Variants in SPMIP8 observed in about 807,000 individuals in gnomAD.
SPMIP8 encodes testicular tissue protein Li 196.
the SPMIP8 span, chr16:57,985,928 G>A: frequency 1.2e-6 from 2 of 1,612,290 alleles, no homozygotes; most frequent in Non-Finnish European, 1.7e-6. Flanking sequence ...CCGAAGCTTC[G>A]GCTCCAGCTA....
the SPMIP8 span, chr16:57,986,872 G>C: frequency 6.6e-6 from 1 of 152,424 alleles, no homozygotes; most frequent in East Asian, 1.9e-4. Flanking sequence ...GATTACAGGC[G>C]TGAGCTACAG....
chr16:57,984,512 G>T, the SPMIP8 span: 1 of 1,510,030 alleles, frequency 6.6e-7, no homozygotes, highest in African/African-American at 1.4e-5. Flanking sequence ...TCACGACTTC[G>T]GGCGCCCCCT....
the SPMIP8 span, chr16:57,985,683 A>G: frequency 3.1e-6 from 4 of 1,286,064 alleles, no homozygotes; most frequent in Non-Finnish European, 4.2e-6. Flanking sequence ...ACCAGAAACA[A>G]ATTGCAATTT....
the SPMIP8 span, chr16:57,985,307 G>A: frequency 6.4e-7 from 1 of 1,558,076 alleles, no homozygotes. Flanking sequence ...TGAGCGGGGA[G>A]CGGGGGTCCT....
chr16:57,985,289 C>T, the SPMIP8 span: 11 of 1,560,778 alleles, frequency 7.0e-6, no homozygotes, highest in Non-Finnish European at 9.5e-6. Context: ...TGCGCGCAGA[C>T]CCGTCCCTGA....
the SPMIP8 span, chr16:57,985,360 C>G: frequency 5.1e-6 from 8 of 1,581,580 alleles, no homozygotes; most frequent in East Asian, 1.6e-4. Context: ...GGGAGGAGAC[C>G]CAGAGCAGGG....
the SPMIP8 span, chr16:57,987,507 C>T: frequency 1.4e-6 from 2 of 1,468,524 alleles, no homozygotes; most frequent in Non-Finnish European, 9.2e-7. Context: ...CTTATGGTGG[C>T]ACCAGCCATC....
At chr16:57,985,211 G>C in the SPMIP8 span, 2 of 1,536,080 alleles carry the variant, frequency 1.3e-6, no homozygotes, top group Non-Finnish European at 1.7e-6. Context: ...CGCAGCGGAG[G>C]GTCTCAGCGG....
chr16:57,985,115 G>T, the SPMIP8 span: 3 of 1,344,408 alleles, frequency 2.2e-6, no homozygotes, highest in East Asian at 2.6e-5. Flanking sequence ...ATTGTGGGCG[G>T]GGCTGGATTG....
the SPMIP8 span, among the ~76,000 whole-genome samples, chr16:57,983,759 G>A: frequency 2.0e-5 from 3 of 151,914 alleles, no homozygotes; most frequent in Non-Finnish European, 2.9e-5. Context: ...CTACAGTCGC[G>A]TGCCACCACA....
chr16:57,978,009 C>T, the SPMIP8 span: 2 of 1,614,108 alleles, frequency 1.2e-6, no homozygotes, highest in Non-Finnish European at 1.7e-6. Context: ...TCCTGATGAG[C>T]ACTGCCAGTC....
At chr16:57,984,149 C>G in the SPMIP8 span, among the ~76,000 whole-genome samples, 1 of 152,158 alleles carries the variant, frequency 6.6e-6, no homozygotes, top group Admixed American at 6.5e-5. Flanking sequence ...AGTGATCCAC[C>G]CGCCTCGGCC....
the SPMIP8 span, among the ~76,000 whole-genome samples, chr16:57,981,823 C>T: frequency 6.6e-6 from 1 of 152,138 alleles, no homozygotes; most frequent in South Asian, 2.1e-4. Flanking sequence ...GCTAGTTTAA[C>T]ATTAATGCTG....
At chr16:57,985,980 G>T in the SPMIP8 span, 1 of 1,580,166 alleles carries the variant, frequency 6.3e-7, no homozygotes, top group Admixed American at 1.9e-5. Flanking sequence ...AGCCAACCAC[G>T]TTCTCATCCG....
At chr16:57,979,222 T>C in the SPMIP8 span, among the ~76,000 whole-genome samples, 3 of 150,522 alleles carry the variant, frequency 2.0e-5, no homozygotes, top group Non-Finnish European at 4.4e-5. Context: ...ACAGGGGGAG[T>C]GCAGGCCCAT....
the SPMIP8 span, chr16:57,984,653 C>T: frequency 3.1e-6 from 5 of 1,589,776 alleles, no homozygotes; most frequent in Non-Finnish European, 3.4e-6. Context: ...CCGCCACAGG[C>T]CAGAAGCTTC....
At chr16:57,976,591 T>A in the SPMIP8 span, 1 of 1,614,186 alleles carries the variant, frequency 6.2e-7, no homozygotes, top group South Asian at 1.1e-5. Context: ...CTTATAAGCC[T>A]GTGCACCTGG....
At chr16:57,987,760 A>G in the SPMIP8 span, 6 of 295,600 alleles carry the variant, frequency 2.0e-5, no homozygotes, top group African/African-American at 8.7e-5. Context: ...ATTGAGATCC[A>G]AGAGCAAGAG....
the SPMIP8 span, chr16:57,987,518 TC>T: frequency 1.4e-6 from 2 of 1,406,910 alleles, no homozygotes; most frequent in African/African-American, 2.9e-5. Context: ...ACCAGCCATC[TC>T]CCCAGGAGTT....
Sources: allele counts gnomAD v4.1 joint callset (sites outside exome capture counted in the v4.1 genomes callset), GRCh38; gene constraint gnomAD v4.1.1; transcripts MANE v1.5; gene names NCBI Gene and HGNC (gene_info 2026-07-23, HGNC 2026-07-21).